The following CDH23 variants were observed in gnomAD, a reference collection of about 807,000 sequenced individuals.
CDH23 encodes cadherin-23.
CDH23 carries 189 observed loss-of-function variants against 317.1 expected under a neutral mutation model. The observed-to-expected ratio is 0.60, with a 90% CI of 0.53 to 0.67. The LOEUF (loss-of-function observed/expected upper bound fraction) is 0.67, where lower values mean the gene tolerates loss of function less well. Ranked by LOEUF, CDH23 falls within the 30% of genes least tolerant of loss-of-function variation. The probability of loss-of-function intolerance (pLI) is 0.00; values close to 1 mark genes in which losing one functional copy is unlikely to be tolerated. For synonymous variants in CDH23, 1,839 were observed against 1,876.8 expected, an observed-to-expected ratio of 0.98 and a Z score of 0.52; for missense variants, 4,401 against 4,592.4, an observed-to-expected ratio of 0.96 and a Z score of 1.20.
chr10:71,420,320 G>A (rs1180836103), intron 1 of CDH23, among the ~76,000 whole-genome samples: 1 of 151,286 alleles, frequency 6.6e-6, no homozygotes, highest in East Asian at 2.0e-4. Context: ...AGACACCTAG[G>A]CTTCGCTCCC....
intron 3 of CDH23, among the ~76,000 whole-genome samples, chr10:71,486,796 G>A (rs1362897330): frequency 6.6e-6 from 1 of 152,188 alleles, no homozygotes; most frequent in Admixed American, 6.5e-5. Context: ...TGCTGTGCAG[G>A]AGGCTTACGG....
At chr10:71,753,146 C>G in intron 38 of CDH23, 1 of 895,716 alleles carries the variant, frequency 1.1e-6, no homozygotes, top group Non-Finnish European at 1.6e-6. Flanking sequence ...TTTCTTTTCA[C>G]ATGGGTGCTG....
intron 22 of CDH23, among the ~76,000 whole-genome samples, chr10:71,700,693 C>CTGG (rs1865548073): frequency 6.6e-6 from 1 of 152,184 alleles, no homozygotes; most frequent in Non-Finnish European, 1.5e-5. Context: ...CGAGCAGTCC[C>CTGG]TGGTGGGAGT....
rs547970498 is a variant in CDH23, at chr10:71,730,507, C to A, written c.3618C>A (p.Pro1206=). 1 of 1,613,936 alleles carries A rather than the reference C, an allele frequency of 6.2e-7. No homozygotes were observed. Among genetic ancestry groups the A allele is most frequent in the Non-Finnish European group, 8.5e-7 (1 of 1,179,882 alleles). Residue 1206 remains proline (P), a synonymous_variant, in exon 31 of 70, where the codon CCC becomes CCA. Coordinates refer to ENST00000224721, the MANE Select transcript of CDH23 (RefSeq NM_022124.6). ...VYVEDINDEA[P]VFTQQQYSRL... The stretch of plus-strand genomic sequence containing the variant: ...TGGAGGACATCAACGATGAGGCCCC[C>A]GTGTTCACACAGCAGCAGTACAGCC...
chr10:71,440,021 T>G, intron 2 of CDH23, 123 bp downstream of exon 2: 1 of 761,828 alleles, frequency 1.3e-6, no homozygotes, highest in Non-Finnish European at 2.2e-6. Context: ...TGTCTTACTG[T>G]GTGACTGAGG....
chr10:71,814,912 G>A (rs1409586752), intron 69 of CDH23, 40 bp from the exon 70 acceptor site: 1 of 1,559,466 alleles, frequency 6.4e-7, no homozygotes, highest in African/African-American at 1.4e-5. Context: ...TCACCCCTTG[G>A]GCATGGCCCT....
At chr10:71,710,662 G>A (rs1206177470) in intron 27 of CDH23, among the ~76,000 whole-genome samples, 1 of 152,254 alleles carries the variant, frequency 6.6e-6, no homozygotes, top group Non-Finnish European at 1.5e-5. Flanking sequence ...CTGATGGACA[G>A]AAACAAGGGG....
intron 27 of CDH23, among the ~76,000 whole-genome samples, chr10:71,710,982 C>T (rs1157798263): frequency 2.0e-5 from 3 of 152,116 alleles, no homozygotes; most frequent in Admixed American, 6.5e-5. Context: ...CCTGTGCCGC[C>T]GGGTGCTCCT....
At chr10:71,501,808 C>A (rs764512532) in intron 3 of CDH23, among the ~76,000 whole-genome samples, 1 of 152,182 alleles carries the variant, frequency 6.6e-6, no homozygotes, top group Non-Finnish European at 1.5e-5. Flanking sequence ...GGGCAGGAGC[C>A]CCTGGCCCTG....
At chr10:71,803,485 G>C in intron 55 of CDH23, 65 bp downstream of exon 55, 1 of 1,414,240 alleles carries the variant, frequency 7.1e-7, no homozygotes, top group South Asian at 1.2e-5. Context: ...GCCTAGAAGA[G>C]TGGAAGCACC....
chr10:71,718,386 C>A (rs1468651195), intron 28 of CDH23, among the ~76,000 whole-genome samples: 1 of 152,158 alleles, frequency 6.6e-6, no homozygotes, highest in African/African-American at 2.4e-5. Context: ...CCCCTCCCAG[C>A]ACTTCCAGGC....
chr10:71,505,449 A>G lies in CDH23; in HGVS notation c.146-4633A>G, dbSNP rs1331661695. Among the ~76,000 whole-genome samples the G allele has an allele frequency of 2.6e-5, 4 of 152,348 alleles. No homozygotes were observed. In the East Asian group the frequency reaches 7.7e-4, roughly 29 times the overall value. On this transcript the variant is annotated intron_variant, in intron 3 of 69. Coordinates refer to ENST00000224721, the MANE Select transcript of CDH23 (RefSeq NM_022124.6). ...AGCTCTAACCATGGTAGACAAGGTC[A>G]TCCTTATCTATCATCTTCCACAGTA...
At chr10:71,683,586 A>G (rs1864746779) in intron 18 of CDH23, among the ~76,000 whole-genome samples, 1 of 152,180 alleles carries the variant, frequency 6.6e-6, no homozygotes, top group Admixed American at 6.5e-5. Context: ...AAGTGATGGG[A>G]AAGTCAAAGT....
chr10:71,755,544 G>A, intron 38 of CDH23: 2 of 1,341,578 alleles, frequency 1.5e-6, no homozygotes, highest in Non-Finnish European at 2.1e-6. Context: ...GCTCAGAGAG[G>A]GAAGGCCAGG....
rs1244281497 is a variant in CDH23, at chr10:71,732,144, C to T, written c.3873C>T (p.Pro1291=). 1 of 1,613,940 alleles carries T rather than the reference C, an allele frequency of 6.2e-7. No individual in the cohort carries two copies. The highest frequency in any genetic ancestry group is 1.3e-5 in the African/African-American group (1 of 74,940). ...MNVSATDQAP[P]FNQGFCSVYI... Reference sequence around the variant, plus strand: ...TGTCGGCCACTGACCAGGCCCCGCCCTTCAACCAGGGCTTCTGCAGCGTCT... The same window carrying T: ...TGTCGGCCACTGACCAGGCCCCGCCTTTCAACCAGGGCTTCTGCAGCGTCT... Residue 1291 remains proline, a synonymous_variant, in exon 32 of 70, where the codon CCC becomes CCT. Coordinates refer to ENST00000224721, the MANE Select transcript of CDH23 (RefSeq NM_022124.6).
intron 28 of CDH23, among the ~76,000 whole-genome samples, chr10:71,722,830 A>G (rs1866620198): frequency 6.6e-6 from 1 of 152,344 alleles, no homozygotes; most frequent in South Asian, 2.1e-4. Flanking sequence ...TGTTCAAGAA[A>G]CAGCCAGGAG....
Position 71,510,204 on chromosome 10 carries a change from C to T in CDH23, c.268C>T (p.Arg90Trp), listed in dbSNP as rs1064794990. ...VEPDTGVVWL[R>W]QPLDRETKSE... ...GCCTGACACTGGCGTGGTGTGGCTC[C>T]GGCAGCCACTGGACAGAGAGGTATG... The change falls in exon 4 of 70, where the codon CGG (arginine) becomes TGG (tryptophan). Residue 90 changes from arginine to tryptophan, a missense_variant. Physicochemically the swap from Arg to Trp is moderately radical, Grantham distance 101. Transcript: ENST00000224721. 28 of 1,613,642 alleles carry T rather than the reference C, an allele frequency of 1.7e-5. No homozygotes were observed. Among genetic ancestry groups the T allele is most frequent in the Middle Eastern group, 1.6e-4 (1 of 6,084 alleles).
intron 20 of CDH23, 30 bp downstream of exon 20, chr10:71,690,614 C>A: frequency 6.8e-7 from 1 of 1,462,052 alleles, no homozygotes; most frequent in Non-Finnish European, 9.4e-7. Context: ...GTACCCTGGT[C>A]CTCCACACCC....
At chr10:71,727,454 A>T (rs1866867237) in intron 30 of CDH23, among the ~76,000 whole-genome samples, 1 of 152,138 alleles carries the variant, frequency 6.6e-6, no homozygotes, top group Non-Finnish European at 1.5e-5. Flanking sequence ...GACCCGGGAG[A>T]GCTGGGGGCC....
Sources: allele counts gnomAD v4.1 joint callset (sites outside exome capture counted in the v4.1 genomes callset), GRCh38; gene constraint gnomAD v4.1.1; transcripts MANE v1.5; gene names NCBI Gene and HGNC (gene_info 2026-07-23, HGNC 2026-07-21).